The following RIMS2 variants were observed in gnomAD, a reference collection of about 807,000 sequenced individuals.
The protein encoded by RIMS2 is regulating synaptic membrane exocytosis protein 2.
Under a neutral mutation model 174.4 loss-of-function variants are expected in RIMS2, and 59 were observed. That is an observed-to-expected ratio of 0.34 (90% CI 0.27 to 0.42). RIMS2 has a LOEUF of 0.42. RIMS2 is among the 10% of genes least tolerant of loss of function. The pLI, the probability that RIMS2 is intolerant of heterozygous loss-of-function variation, is 1.00. For missense variants in RIMS2, 1,620 were observed against 1,666.3 expected (o/e 0.97, Z 0.48); for synonymous variants, 606 against 572.5 (o/e 1.06, Z -0.84).
chr8:103,971,573 T>A (rs1256904847), intron 15 of RIMS2, among the ~76,000 whole-genome samples: 3 of 150,568 alleles, frequency 2.0e-5, no homozygotes, highest in African/African-American at 7.3e-5. Flanking sequence ...GTAGCATAGT[T>A]TTTTTTTTTT....
chr8:104,180,773 T>C (rs2098935113), intron 19 of RIMS2, among the ~76,000 whole-genome samples: 1 of 151,716 alleles, frequency 6.6e-6, no homozygotes, highest in South Asian at 2.1e-4. Context: ...CTATCAATAT[T>C]TTCAAAGGAA....
chr8:103,924,358 T>C (rs2078310280), intron 10 of RIMS2, among the ~76,000 whole-genome samples: 1 of 151,732 alleles, frequency 6.6e-6, no homozygotes, highest in Non-Finnish European at 1.5e-5. Flanking sequence ...TTTATTCTTA[T>C]ATTTTTGCAT....
chr8:103,511,210 G>A (rs953206780), intron 1 of RIMS2, among the ~76,000 whole-genome samples: 1 of 152,232 alleles, frequency 6.6e-6, no homozygotes, highest in Admixed American at 6.5e-5. Context: ...TCTGTGCCCT[G>A]TACGTAAAGA....
intron 2 of RIMS2, among the ~76,000 whole-genome samples, chr8:103,699,040 A>T (rs2097139332): frequency 6.6e-6 from 1 of 152,168 alleles, no homozygotes; most frequent in African/African-American, 2.4e-5. Flanking sequence ...ATATAGGGTT[A>T]TTCAGGTTAT....
chr8:103,693,085 G>T (rs1264347636), intron 1 of RIMS2, among the ~76,000 whole-genome samples: 2 of 152,126 alleles, frequency 1.3e-5, no homozygotes, highest in Non-Finnish European at 2.9e-5. Context: ...TTCACTTCTG[G>T]CTAGGGCTGG....
chr8:103,755,051 T>C (rs555880141), intron 2 of RIMS2, among the ~76,000 whole-genome samples: 2 of 152,332 alleles, frequency 1.3e-5, no homozygotes, highest in South Asian at 4.1e-4. Context: ...TGGTATGTTT[T>C]TGCAGTGGCT....
At chr8:104,227,089 G>T (rs2099192467) in intron 19 of RIMS2, among the ~76,000 whole-genome samples, 1 of 151,960 alleles carries the variant, frequency 6.6e-6, no homozygotes, top group African/African-American at 2.4e-5. Context: ...TAAACAACTT[G>T]CCCCCAGATC....
intron 1 of RIMS2, among the ~76,000 whole-genome samples, chr8:103,579,286 C>CACAA (rs2093459468): frequency 2.6e-5 from 4 of 151,386 alleles, no homozygotes; most frequent in Non-Finnish European, 4.4e-5. Flanking sequence ...CACACACACA[C>CACAA]ACAGACACAC....
At chr8:103,621,044 AC>A (rs2095622626) in intron 1 of RIMS2, among the ~76,000 whole-genome samples, 2 of 152,250 alleles carry the variant, frequency 1.3e-5, no homozygotes, top group African/African-American at 4.8e-5. Context: ...AAATTGAAAA[AC>A]ATAGCCAAAT....
intron 1 of RIMS2, among the ~76,000 whole-genome samples, chr8:103,594,116 G>T (rs145579411): frequency 2.0e-5 from 3 of 151,622 alleles, no homozygotes; most frequent in East Asian, 3.9e-4. Context: ...GCGTGTACAT[G>T]TGCAGAACAG....
At chr8:103,609,494 C>T (rs569513131) in intron 1 of RIMS2, among the ~76,000 whole-genome samples, 2 of 152,282 alleles carry the variant, frequency 1.3e-5, no homozygotes, top group East Asian at 3.9e-4. Flanking sequence ...TCAGGCTTTA[C>T]ATTTGACTCT....
chr8:103,767,318 G>C (rs2098186533), intron 3 of RIMS2, among the ~76,000 whole-genome samples: 1 of 151,724 alleles, frequency 6.6e-6, no homozygotes, highest in Admixed American at 6.6e-5. Flanking sequence ...CTCCCGAGTA[G>C]CTGGGACTAC....
At chr8:103,807,159 G>T (rs948323908) in intron 3 of RIMS2, among the ~76,000 whole-genome samples, 6 of 152,026 alleles carry the variant, frequency 3.9e-5, no homozygotes, top group Non-Finnish European at 5.9e-5. Flanking sequence ...CAGGGCCTTG[G>T]ACATTCCACA....
At chr8:103,939,163 CT>C (rs1197112821) in intron 13 of RIMS2, among the ~76,000 whole-genome samples, 1 of 152,244 alleles carries the variant, frequency 6.6e-6, no homozygotes, top group Non-Finnish European at 1.5e-5. Flanking sequence ...CCACATTTCC[CT>C]TCTGCACTGC....
intron 19 of RIMS2, among the ~76,000 whole-genome samples, chr8:104,034,901 A>T (rs181655752): frequency 6.6e-6 from 1 of 152,326 alleles, no homozygotes; most frequent in African/African-American, 2.4e-5. Context: ...TGTTTATGAG[A>T]AAAGAGCACA....
intron 2 of RIMS2, among the ~76,000 whole-genome samples, chr8:103,726,413 T>G (rs1564419406): frequency 6.6e-6 from 1 of 152,280 alleles, no homozygotes; most frequent in East Asian, 1.9e-4. Context: ...ATTAACTTTT[T>G]CTTTTATGGT....
chr8:103,694,092 G>A (rs2097067257), intron 1 of RIMS2, among the ~76,000 whole-genome samples: 1 of 152,174 alleles, frequency 6.6e-6, no homozygotes, highest in South Asian at 2.1e-4. Flanking sequence ...GGGTTCTACT[G>A]TCACACTATT....
intron 1 of RIMS2, 83 bp from the exon 2 acceptor site, chr8:103,652,122 G>A (rs1047720621): frequency 2.9e-5 from 17 of 596,460 alleles, no homozygotes; most frequent in African/African-American, 1.6e-4. Flanking sequence ...TATTTTTGGT[G>A]TCCATTTTAT....
chr8:103,627,089 T>G (rs768280476), intron 1 of RIMS2, among the ~76,000 whole-genome samples: 3 of 152,084 alleles, frequency 2.0e-5, no homozygotes, highest in Non-Finnish European at 4.4e-5. Context: ...AGTCCTTATC[T>G]CAACTGCATA....
Sources: allele counts gnomAD v4.1 joint callset (sites outside exome capture counted in the v4.1 genomes callset), GRCh38; gene constraint gnomAD v4.1.1; transcripts MANE v1.5; gene names NCBI Gene and HGNC (gene_info 2026-07-23, HGNC 2026-07-21).